Variants in XXYLT1 observed in about 807,000 individuals in gnomAD.
XXYLT1 encodes xyloside xylosyltransferase 1.
XXYLT1 carries 20 observed loss-of-function variants against 28.9 expected under a neutral mutation model. The ratio of observed to expected loss-of-function variants is 0.69; its 90% CI spans 0.49 to 1.00. The LOEUF (loss-of-function observed/expected upper bound fraction) is 1.00. Among genes scored for constraint, XXYLT1 ranks in the 50% least tolerant of loss-of-function variants. The probability of loss-of-function intolerance (pLI) is 0.00; values close to 1 mark genes in which losing one functional copy is unlikely to be tolerated. For missense variants in XXYLT1, 542 were observed against 560.1 expected (o/e 0.97, Z 0.33); for synonymous variants, 257 against 253.8 (o/e 1.01, Z -0.12).
At chr3:195,107,196 G>A (rs1010735615) in intron 3 of XXYLT1, among the ~76,000 whole-genome samples, 25 of 152,008 alleles carry the variant, frequency 1.6e-4, no homozygotes, top group African/African-American at 5.3e-4. Context: ...AGAGGTGGCC[G>A]GGTGCGGTGG....
At chr3:195,159,756 C>T (rs974484900) in intron 2 of XXYLT1, among the ~76,000 whole-genome samples, 26 of 152,128 alleles carry the variant, frequency 1.7e-4, no homozygotes, top group African/African-American at 4.3e-4. Flanking sequence ...GCCTGGCTGG[C>T]GGCCGATGCT....
In XXYLT1 at chr3:195,150,579, T is replaced by G. The variant is rs1720148890; in HGVS notation, c.785+5870A>C. Among the ~76,000 whole-genome samples the G allele has an allele frequency of 1.3e-5, 2 of 152,178 alleles. No individual in the cohort carries two copies. Among genetic ancestry groups the G allele is most frequent in the Admixed American group, 1.3e-4 (2 of 15,278 alleles). Reference sequence around the variant, plus strand: ...CGAATTCCCGCCTGGTGGCATGTTATCAGCAGCTGACAGGAATAGCCTGCC... The same window carrying G: ...CGAATTCCCGCCTGGTGGCATGTTAGCAGCAGCTGACAGGAATAGCCTGCC... On this transcript the variant is annotated intron_variant, in intron 3 of 3. Coordinates refer to ENST00000310380, the MANE Select transcript of XXYLT1 (RefSeq NM_152531.5). This position sits in a 1 kb window ranked among gnomAD's most constrained non-coding sequence, Gnocchi z 4.7.
Position 195,180,574 on chromosome 3 carries a change from C to T in XXYLT1, c.653-23993G>A, listed in dbSNP as rs9880310. 3,961 of 984,686 alleles carry T rather than the reference C, an allele frequency of 4.0e-3. 121 individuals are homozygous for T. The African/African-American group carries it at 0.064, about 16-fold the overall frequency. The allele number at this position is 984,686 out of a possible 1,614,324, so 61.0% of individuals were successfully genotyped here. On this transcript the variant is annotated intron_variant, in intron 2 of 3. Coordinates refer to ENST00000310380, the MANE Select transcript of XXYLT1 (RefSeq NM_152531.5). The surrounding 1 kb of genome is among the most constrained non-coding windows in gnomAD (Gnocchi z 5.8). ...GCATCTGAGGCCAGACCCTAAGGCC[C>T]TTCCCAGCCCTCTCCAGAGCGTGAT...
At chr3:195,161,776 C>A (rs1720885154) in intron 2 of XXYLT1, among the ~76,000 whole-genome samples, 1 of 151,758 alleles carries the variant, frequency 6.6e-6, no homozygotes. Flanking sequence ...CGCCACCATA[C>A]CCGGCTAATT....
rs1007028416 is a variant in XXYLT1 at position 195,190,029 on chromosome 3, G to A, written c.653-33448C>T. ...GGCTGCCTTCTCATTAGAAACAATGGAGACCAGAAGGCAATGTGATGACAT... is the reference window on the plus strand; with the variant it reads ...GGCTGCCTTCTCATTAGAAACAATGAAGACCAGAAGGCAATGTGATGACAT... On this transcript the variant is annotated intron_variant, in intron 2 of 3. Coordinates refer to ENST00000310380, the MANE Select transcript of XXYLT1 (RefSeq NM_152531.5). Among the ~76,000 whole-genome samples the A allele has an allele frequency of 6.6e-5, 10 of 151,982 alleles. No homozygotes were observed. In the East Asian group the frequency reaches 9.6e-4, roughly 15 times the overall value.
intron 2 of XXYLT1, among the ~76,000 whole-genome samples, chr3:195,204,100 T>G (rs1234861284): frequency 6.6e-6 from 1 of 152,064 alleles, no homozygotes; most frequent in Non-Finnish European, 1.5e-5. Context: ...ATCCCAGCAT[T>G]TTGGGAGGCT....
At chr3:195,203,502 G>A (rs1393290055) in intron 2 of XXYLT1, among the ~76,000 whole-genome samples, 1 of 152,146 alleles carries the variant, frequency 6.6e-6, no homozygotes, top group Non-Finnish European at 1.5e-5. Flanking sequence ...ACTGACAGCA[G>A]TGCAGAGAAG....
chr3:195,247,314 G>T (rs113065884), intron 1 of XXYLT1, among the ~76,000 whole-genome samples: 6 of 152,172 alleles, frequency 3.9e-5, no homozygotes, highest in Non-Finnish European at 5.9e-5. Flanking sequence ...GGCCGTGAAG[G>T]CTTCTTAGCC....
rs370845151 is a variant in XXYLT1, at chr3:195,178,944, ATGGAAGAGGCTACTCTGAAGG to A, written c.653-22384_653-22364del. Among the ~76,000 whole-genome samples, 280 of 152,338 alleles carry A rather than the reference ATGGAAGAGGCTACTCTGAAGG, an allele frequency of 1.8e-3. 2 individuals carry two copies. Among genetic ancestry groups the A allele is most frequent in the African/African-American group, 6.4e-3 (265 of 41,578 alleles). ...AGAGTTTTCTAAAATATGTCTGAAG[ATGGAAGAGGCTACTCTGAAGG>A]TGGCAGCTCCCTGTCCCTGGGCCTT... On this transcript the variant is annotated intron_variant, in intron 2 of 3. Coordinates refer to ENST00000310380, the MANE Select transcript of XXYLT1 (RefSeq NM_152531.5).
At chr3:195,205,950 G>A (rs1455863315) in intron 2 of XXYLT1, among the ~76,000 whole-genome samples, 1 of 152,028 alleles carries the variant, frequency 6.6e-6, no homozygotes, top group Non-Finnish European at 1.5e-5. Flanking sequence ...GGGGGAAAGT[G>A]GGTAAAGGAT....
chr3:195,137,128 G>GT (rs1357405247), intron 3 of XXYLT1, among the ~76,000 whole-genome samples: 1 of 152,162 alleles, frequency 6.6e-6, no homozygotes, highest in Admixed American at 6.5e-5. Context: ...TCAGCTTGCT[G>GT]TGGGGGCCAG....
intron 3 of XXYLT1, among the ~76,000 whole-genome samples, chr3:195,118,789 G>A (rs1469344652): frequency 2.0e-5 from 3 of 152,204 alleles, no homozygotes; most frequent in South Asian, 2.1e-4. Context: ...CAGCTTTCAC[G>A]GGTAAAGATA....
chr3:195,099,602 G>A (rs904603059), intron 3 of XXYLT1, among the ~76,000 whole-genome samples: 7 of 152,118 alleles, frequency 4.6e-5, no homozygotes, highest in East Asian at 3.9e-4. Context: ...AGGCCGAGGC[G>A]GGTGGATTAC....
chr3:195,095,615 T>C (rs764546619), intron 3 of XXYLT1: 1 of 153,802 alleles, frequency 6.5e-6, no homozygotes, highest in Non-Finnish European at 1.5e-5. Flanking sequence ...TTGTCACCTG[T>C]GTGCTTATGC....
At chr3:195,218,369 G>A (rs1723667735) in intron 2 of XXYLT1, among the ~76,000 whole-genome samples, 1 of 151,964 alleles carries the variant, frequency 6.6e-6, no homozygotes, top group South Asian at 2.1e-4. Flanking sequence ...CCATCAGAGT[G>A]AACAGGCAAC....
chr3:195,123,659 A>C (rs945867036), intron 3 of XXYLT1, among the ~76,000 whole-genome samples: 2 of 152,188 alleles, frequency 1.3e-5, no homozygotes, highest in Non-Finnish European at 2.9e-5. Flanking sequence ...ACCAATTAAG[A>C]ATGATTGCGG....
At chr3:195,182,847 CA>C (rs1195559257) in intron 2 of XXYLT1, among the ~76,000 whole-genome samples, 1 of 152,192 alleles carries the variant, frequency 6.6e-6, no homozygotes, top group Non-Finnish European at 1.5e-5. Context: ...GCTGCCAAAA[CA>C]ACTCCCTGAA....
intron 2 of XXYLT1, among the ~76,000 whole-genome samples, chr3:195,159,695 G>A (rs1009247094): frequency 2.6e-5 from 4 of 152,174 alleles, no homozygotes; most frequent in Non-Finnish European, 5.9e-5. Context: ...TGGCTGTCCA[G>A]GGGACTATTT....
At chr3:195,109,500 CGT>C (rs145975941) in intron 3 of XXYLT1, among the ~76,000 whole-genome samples, 1 of 144,978 alleles carries the variant, frequency 6.9e-6, no homozygotes, top group Non-Finnish European at 1.5e-5. Context: ...GGTATGTGTA[CGT>C]GTGTGGTGTA....
Sources: allele counts gnomAD v4.1 joint callset (sites outside exome capture counted in the v4.1 genomes callset), GRCh38; gene constraint gnomAD v4.1.1; non-coding constraint Gnocchi (gnomAD v3.1); transcripts MANE v1.5; gene names NCBI Gene and HGNC (gene_info 2026-07-23, HGNC 2026-07-21).